TENM3: variants seen among roughly 807,000 people sequenced by gnomAD.
TENM3 encodes teneurin-3.
A neutral mutation model predicts 255.1 loss-of-function variants in TENM3; 63 were observed. The ratio of observed to expected loss-of-function variants is 0.25; its 90% CI spans 0.20 to 0.30. The LOEUF is 0.30. Ranked by LOEUF, TENM3 falls within the 10% of genes least tolerant of loss-of-function variation. The pLI is 1.00. For missense variants in TENM3, 2,929 were observed against 3,461.1 expected, an observed-to-expected ratio of 0.85 and a Z score of 3.86; for synonymous variants, 1,306 against 1,322.3, an observed-to-expected ratio of 0.99 and a Z score of 0.27.
At chr4:182,614,958 A>T (rs568803188) in intron 4 of TENM3, among the ~76,000 whole-genome samples, 1 of 150,534 alleles carries the variant, frequency 6.6e-6, no homozygotes, top group South Asian at 2.1e-4. Context: ...CACTGGGAGC[A>T]TCATCTTAAT....
At chr4:181,896,138 T>C in the TENM3 span, among the ~76,000 whole-genome samples, 2 of 152,124 alleles carry the variant, frequency 1.3e-5, no homozygotes, top group East Asian at 3.9e-4. Flanking sequence ...CAAGGGAAAG[T>C]GGGTATCCAT....
intron 1 of TENM3, among the ~76,000 whole-genome samples, chr4:182,177,848 T>C (rs1470545153): frequency 2.0e-5 from 3 of 151,970 alleles, no homozygotes; most frequent in African/African-American, 7.2e-5. Context: ...GTTTTGAAAT[T>C]CAGATGAGAC....
chr4:181,878,812 T>A, the TENM3 span, among the ~76,000 whole-genome samples: 1 of 152,138 alleles, frequency 6.6e-6, no homozygotes, highest in African/African-American at 2.4e-5. Context: ...TCTACCTATC[T>A]GTGTGTCTAT....
At chr4:182,646,238 T>A (rs1354954264) in intron 5 of TENM3, among the ~76,000 whole-genome samples, 2 of 152,208 alleles carry the variant, frequency 1.3e-5, no homozygotes, top group African/African-American at 4.8e-5. Flanking sequence ...CCAATATATG[T>A]CCAGGAGAAC....
chr4:182,732,079 C>G (rs537610824), intron 16 of TENM3, among the ~76,000 whole-genome samples: 1 of 151,964 alleles, frequency 6.6e-6, no homozygotes, highest in East Asian at 1.9e-4. Flanking sequence ...CCGCACCCGG[C>G]CTTTCTAGTT....
intron 3 of TENM3, among the ~76,000 whole-genome samples, chr4:182,507,352 C>G (rs188608159): frequency 6.1e-4 from 93 of 152,238 alleles, no homozygotes; most frequent in Admixed American, 2.1e-3. Context: ...TCTTTCTGTT[C>G]CAAGTACATC....
At chr4:181,951,866 G>C in the TENM3 span, among the ~76,000 whole-genome samples, 1 of 152,276 alleles carries the variant, frequency 6.6e-6, no homozygotes, top group Admixed American at 6.5e-5. Context: ...AAATGTAATC[G>C]AAAGCTGTAA....
chr4:182,636,815 A>G (rs1561038781), intron 5 of TENM3, among the ~76,000 whole-genome samples: 1 of 152,340 alleles, frequency 6.6e-6, no homozygotes, highest in East Asian at 1.9e-4. Context: ...AAAATATTCA[A>G]AGACAGAACA....
intron 6 of TENM3, among the ~76,000 whole-genome samples, chr4:182,655,717 G>A (rs745789878): frequency 6.6e-6 from 1 of 152,114 alleles, no homozygotes; most frequent in Non-Finnish European, 1.5e-5. Context: ...ACATGAATGT[G>A]GCCATATTAA....
intron 3 of TENM3, among the ~76,000 whole-genome samples, chr4:182,457,556 A>ATAT: frequency 2.6e-5 from 1 of 38,994 alleles, no homozygotes; most frequent in East Asian, 1.6e-3. Flanking sequence ...AATCATGTAT[A>ATAT]TCTTTTTTTT....
the TENM3 span, among the ~76,000 whole-genome samples, chr4:182,058,028 G>A: frequency 6.6e-6 from 1 of 151,976 alleles, no homozygotes; most frequent in Non-Finnish European, 1.5e-5. Context: ...CAAAGAATTG[G>A]ATGGCATATA....
chr4:181,740,121 G>A, the TENM3 span, among the ~76,000 whole-genome samples: 1 of 151,912 alleles, frequency 6.6e-6, no homozygotes, highest in Non-Finnish European at 1.5e-5. Context: ...GAAATCCACA[G>A]GTATTCTAAA....
the TENM3 span, among the ~76,000 whole-genome samples, chr4:181,636,427 A>G: frequency 2.6e-5 from 4 of 152,188 alleles, no homozygotes; most frequent in African/African-American, 9.6e-5. Context: ...TTAAAATCAA[A>G]TGATTGCACA....
chr4:182,456,294 G>T (rs559871140), intron 3 of TENM3, among the ~76,000 whole-genome samples: 1 of 152,264 alleles, frequency 6.6e-6, no homozygotes, highest in South Asian at 2.1e-4. Flanking sequence ...TTATTTTGTT[G>T]TTGTTATTGT....
At chr4:181,912,813 G>A in the TENM3 span, among the ~76,000 whole-genome samples, 1 of 150,658 alleles carries the variant, frequency 6.6e-6, no homozygotes. Context: ...TGAAAGAAAA[G>A]TAAGAGGTGC....
chr4:181,968,385 C>G, the TENM3 span, among the ~76,000 whole-genome samples: 2 of 152,168 alleles, frequency 1.3e-5, no homozygotes, highest in African/African-American at 4.8e-5. Context: ...TTGTCACTGG[C>G]TCTCGCCAGG....
intron 3 of TENM3, among the ~76,000 whole-genome samples, chr4:182,496,374 T>A (rs1735773419): frequency 6.6e-6 from 1 of 151,830 alleles, no homozygotes; most frequent in East Asian, 1.9e-4. Flanking sequence ...ACTTTAAGCA[T>A]ACATTTTCCT....
the TENM3 span, among the ~76,000 whole-genome samples, chr4:181,890,943 C>A: frequency 6.6e-6 from 1 of 152,148 alleles, no homozygotes; most frequent in African/African-American, 2.4e-5. Context: ...GGAACTAATT[C>A]TTCTGAATCA....
intron 24 of TENM3, among the ~76,000 whole-genome samples, chr4:182,788,872 T>G (rs568539565): frequency 2.0e-5 from 3 of 152,270 alleles, no homozygotes; most frequent in South Asian, 4.1e-4. Flanking sequence ...TTTACAAAAT[T>G]TAATTGAAAT....
Sources: gnomAD v4.1 joint callset for allele counts (sites outside exome capture counted in the v4.1 genomes callset) on GRCh38, gnomAD v4.1.1 for gene constraint, MANE v1.5 for transcripts, NCBI Gene and HGNC (gene_info 2026-07-23, HGNC 2026-07-21) for gene names.